The following SRD5A2 variants were observed in gnomAD, a reference collection of about 807,000 sequenced individuals.
SRD5A2 encodes steroid 5 alpha-reductase 2, also known as 3-oxo-5-alpha-steroid 4-dehydrogenase 2.
SRD5A2 carries 30 observed loss-of-function variants against 27.4 expected under a neutral mutation model. The ratio of observed to expected loss-of-function variants is 1.10; its 90% CI spans 0.82 to 1.49. The LOEUF (loss-of-function observed/expected upper bound fraction) is 1.49. SRD5A2 is among the 40% of genes most tolerant of loss of function. The probability of loss-of-function intolerance (pLI) is 0.00; values close to 1 mark genes in which losing one functional copy is unlikely to be tolerated. For synonymous variants in SRD5A2, 141 were observed against 133.6 expected (o/e 1.06, Z -0.38); for missense variants, 348 against 323.4 (o/e 1.08, Z -0.58).
the SRD5A2 span, among the ~76,000 whole-genome samples, chr2:31,608,389 T>A: frequency 6.6e-6 from 1 of 151,378 alleles, no homozygotes; most frequent in African/African-American, 2.4e-5. Flanking sequence ...AAAATTAAGA[T>A]AAAATCTAAA....
the SRD5A2 span, among the ~76,000 whole-genome samples, chr2:31,633,570 G>A: frequency 6.6e-6 from 1 of 152,058 alleles, no homozygotes; most frequent in African/African-American, 2.4e-5. Flanking sequence ...ATCTACCATG[G>A]TCCCCTGGAC....
At chr2:31,547,878 G>GATAGAT (rs1455148611) in intron 1 of SRD5A2, among the ~76,000 whole-genome samples, 10 of 152,192 alleles carry the variant, frequency 6.6e-5, no homozygotes, top group African/African-American at 2.2e-4. Context: ...TAGATAGATA[G>GATAGAT]ATAGATATAG....
chr2:31,615,773 G>T, the SRD5A2 span, among the ~76,000 whole-genome samples: 1 of 152,100 alleles, frequency 6.6e-6, no homozygotes, highest in Admixed American at 6.5e-5. Context: ...CATGTCAAAG[G>T]TCTTCATGGC....
At chr2:31,534,579 T>G (rs1389636129) in intron 1 of SRD5A2, among the ~76,000 whole-genome samples, 1 of 152,236 alleles carries the variant, frequency 6.6e-6, no homozygotes. Flanking sequence ...TCATTTTTCT[T>G]TCTTTGTCTC....
chr2:31,620,961 TATA>T, the SRD5A2 span, among the ~76,000 whole-genome samples: 5 of 146,170 alleles, frequency 3.4e-5, no homozygotes, highest in South Asian at 1.0e-3. Flanking sequence ...ATATAATTAA[TATA>T]ATATATAAAT....
rs28383007 is a variant in SRD5A2 at position 31,566,821 on chromosome 2, TA to T, written c.281+13798del. ...ATCTTAAAATTTTGTAATACAGTAT[TA>T]TTTCTTCTATAAGGTATAATAGGAG... On this transcript the variant is annotated intron_variant, in intron 1 of 4. Transcript: ENST00000622030. Among the ~76,000 whole-genome samples the T allele has an allele frequency of 1.2e-3, 176 of 152,328 alleles. 1 individual carries two copies. In the East Asian group the frequency reaches 0.032, roughly 27 times the overall value.
chr2:31,560,640 C>G (rs1666603602), intron 1 of SRD5A2, among the ~76,000 whole-genome samples: 1 of 152,134 alleles, frequency 6.6e-6, no homozygotes, highest in South Asian at 2.1e-4. Flanking sequence ...CCTTTCCCAG[C>G]TTTTCTTCTT....
chr2:31,544,250 AT>A lies in SRD5A2; in HGVS notation c.282-10485del, dbSNP rs1286856592. On this transcript the variant is annotated intron_variant, in intron 1 of 4. Transcript: ENST00000622030. The stretch of plus-strand genomic sequence containing the variant: ...TCTGCAATAATAGTTAAAGAATTCA[AT>A]ACCACACTGTCAAAAATGAATAGAA... Among the ~76,000 whole-genome samples the A allele has an allele frequency of 8.5e-5, 13 of 152,124 alleles. No homozygotes were observed. In the East Asian group the frequency reaches 2.5e-3, roughly 29 times the overall value.
intron 1 of SRD5A2, 127 bp downstream of exon 1, chr2:31,580,493 T>A: frequency 2.5e-6 from 3 of 1,222,474 alleles, no homozygotes; most frequent in Non-Finnish European, 3.3e-6. Flanking sequence ...CAGGCTGGCC[T>A]CCGCGTTCCT....
At chr2:31,536,990 G>T (rs995849647) in intron 1 of SRD5A2, among the ~76,000 whole-genome samples, 1 of 152,080 alleles carries the variant, frequency 6.6e-6, no homozygotes, top group Non-Finnish European at 1.5e-5. Context: ...TTCATTTGGG[G>T]GGATTCATTG....
intron 1 of SRD5A2, among the ~76,000 whole-genome samples, chr2:31,558,766 G>A (rs1313825420): frequency 6.6e-6 from 1 of 152,130 alleles, no homozygotes; most frequent in African/African-American, 2.4e-5. Context: ...ACAGTAACAG[G>A]CTGTAGAGGT....
intron 2 of SRD5A2, among the ~76,000 whole-genome samples, chr2:31,532,015 C>T (rs997599465): frequency 1.3e-5 from 2 of 152,082 alleles, no homozygotes; most frequent in African/African-American, 4.8e-5. Context: ...GACCGGTGCC[C>T]CTACTTCGTC....
chr2:31,662,593 A>T, the SRD5A2 span, among the ~76,000 whole-genome samples: 1 of 152,144 alleles, frequency 6.6e-6, no homozygotes, highest in Non-Finnish European at 1.5e-5. Context: ...AGCATGAGAG[A>T]TCGTGCCTGG....
rs768670705 is a variant in SRD5A2 at position 31,580,764 on chromosome 2, C to A, written c.137G>T (p.Arg46Leu). Reference sequence around the variant, plus strand: ...GAACCAGGCGGCGCGGGCTGGCAGGCGGGTAGCCGCCGGCTTCAGGCTCTC... The same window carrying A: ...GAACCAGGCGGCGCGGGCTGGCAGGAGGGTAGCCGCCGGCTTCAGGCTCTC... The part of the protein sequence containing the change: ...HTESLKPAAT[R>L]LPARAAWFLQ... Residue 46 changes from arginine (R) to leucine (L), a missense_variant, in exon 1 of 5, where the codon CGC becomes CTC. By Grantham distance (102) the Arg-to-Leu change is moderately radical. Coordinates refer to ENST00000622030, the MANE Select transcript of SRD5A2 (RefSeq NM_000348.4). 4 of 1,610,412 alleles carry A rather than the reference C, an allele frequency of 2.5e-6. No homozygotes were observed. The highest frequency in any genetic ancestry group is 3.4e-6 in the Non-Finnish European group (4 of 1,179,548).
chr2:31,641,645 A>C, the SRD5A2 span, among the ~76,000 whole-genome samples: 528 of 152,312 alleles, frequency 3.5e-3, 2 homozygotes, highest in African/African-American at 0.012. Flanking sequence ...TTCCTAAGAT[A>C]GAAAGGTTGG....
the SRD5A2 span, among the ~76,000 whole-genome samples, chr2:31,609,772 C>T: frequency 5.3e-5 from 8 of 151,980 alleles, no homozygotes; most frequent in African/African-American, 1.9e-4. Context: ...GAAAACACTA[C>T]CATCAGGAAA....
At chr2:31,545,452 C>T (rs577694526) in intron 1 of SRD5A2, among the ~76,000 whole-genome samples, 1 of 152,144 alleles carries the variant, frequency 6.6e-6, no homozygotes, top group Non-Finnish European at 1.5e-5. Flanking sequence ...TAATCCATAG[C>T]GTTGTCAGGC....
At chr2:31,608,746 A>G in the SRD5A2 span, among the ~76,000 whole-genome samples, 34 of 152,182 alleles carry the variant, frequency 2.2e-4, no homozygotes, top group African/African-American at 7.9e-4. Context: ...AAAACTACAA[A>G]ACATTGTTGA....
At chr2:31,583,096 G>A (rs556062320), upstream of SRD5A2, among the ~76,000 whole-genome samples, 1 of 152,262 alleles carries the variant, frequency 6.6e-6, no homozygotes, top group Admixed American at 6.5e-5. Flanking sequence ...TCAGAAATCT[G>A]GGCTGGGCTT....
Sources: allele counts gnomAD v4.1 joint callset (sites outside exome capture counted in the v4.1 genomes callset), GRCh38; gene constraint gnomAD v4.1.1; transcripts MANE v1.5; gene names NCBI Gene and HGNC (gene_info 2026-07-23, HGNC 2026-07-21).